The following AIG1 variants were observed in gnomAD, a reference collection of about 807,000 sequenced individuals.
AIG1 encodes androgen-induced gene 1 protein.
A neutral mutation model predicts 31.4 loss-of-function variants in AIG1; 23 were observed. The ratio of observed to expected loss-of-function variants is 0.73; its 90% CI spans 0.53 to 1.04. AIG1 has a LOEUF of 1.04. Ranked by LOEUF, AIG1 falls within the 50% of genes least tolerant of loss-of-function variation. The probability of loss-of-function intolerance (pLI) is 0.00; values close to 1 mark genes in which losing one functional copy is unlikely to be tolerated. For synonymous variants in AIG1, 100 were observed against 110.5 expected (o/e 0.90, Z 0.60); for missense variants, 274 against 295.0 (o/e 0.93, Z 0.52).
chr6:143,192,462 G>A (rs986920705), intron 3 of AIG1, among the ~76,000 whole-genome samples: 10 of 152,008 alleles, frequency 6.6e-5, no homozygotes, highest in South Asian at 4.2e-4. Flanking sequence ...AAAATTAGCC[G>A]GGTGTGGTGG....
At chr6:143,137,127 G>T (rs547752650) in intron 2 of AIG1, 137 bp downstream of exon 2, 2 of 943,156 alleles carry the variant, frequency 2.1e-6, no homozygotes, top group Admixed American at 3.9e-5. Context: ...CCACAGATGC[G>T]GTGGCTTAAA....
At chr6:143,255,512 C>G (rs73594142) in intron 3 of AIG1, among the ~76,000 whole-genome samples, 1,844 of 152,198 alleles carry the variant, frequency 0.012, 24 homozygotes, top group African/African-American at 0.042. Flanking sequence ...CATTAGGGCC[C>G]CACTCTTATG....
intron 4 of AIG1, among the ~76,000 whole-genome samples, chr6:143,296,512 C>T (rs1798437050): frequency 6.6e-6 from 1 of 152,112 alleles, no homozygotes. Flanking sequence ...CCCTATCCTG[C>T]CCAGTCCCAC....
intron 3 of AIG1, among the ~76,000 whole-genome samples, chr6:143,278,464 CTTT>C (rs1008735692): frequency 2.2e-5 from 3 of 135,914 alleles, no homozygotes; most frequent in Non-Finnish European, 4.8e-5. Flanking sequence ...TTTTTCTTTT[CTTT>C]TTTTTTTTTT....
chr6:143,111,844 T>C (rs983713679), intron 1 of AIG1, among the ~76,000 whole-genome samples: 2 of 152,210 alleles, frequency 1.3e-5, no homozygotes, highest in Non-Finnish European at 2.9e-5. Context: ...TCCTCCTTAA[T>C]AGCCTTAATA....
At chr6:143,179,680 G>C (rs1373436410) in intron 3 of AIG1, among the ~76,000 whole-genome samples, 2 of 151,898 alleles carry the variant, frequency 1.3e-5, no homozygotes, top group Admixed American at 6.6e-5. Flanking sequence ...ACCAATCCTA[G>C]AATTTATTTG....
chr6:143,060,665 G>A (rs1460793560), upstream of AIG1: 1 of 455,050 alleles, frequency 2.2e-6, no homozygotes, highest in Non-Finnish European at 4.6e-6. Flanking sequence ...TGACGAAAGA[G>A]ATGACGACAC....
At chr6:143,110,910 A>G (rs549346099) in intron 1 of AIG1, among the ~76,000 whole-genome samples, 2 of 152,368 alleles carry the variant, frequency 1.3e-5, no homozygotes, top group South Asian at 2.1e-4. Flanking sequence ...GCAAATGACC[A>G]TTCTAAACAT....
At chr6:143,106,524 A>G (rs1385253866) in intron 1 of AIG1, among the ~76,000 whole-genome samples, 1 of 152,222 alleles carries the variant, frequency 6.6e-6, no homozygotes, top group African/African-American at 2.4e-5. Context: ...CCAAATCCTC[A>G]TCACATACAG....
rs974074669 is a variant in AIG1, at chr6:143,284,024, T to C, written c.400-86T>C. Reference sequence around the variant, plus strand: ...TGCCTGACACTTTCCTAGGAATTTATAGTGTGCATTCTCCTACTGGTGAAA... The same window carrying C: ...TGCCTGACACTTTCCTAGGAATTTACAGTGTGCATTCTCCTACTGGTGAAA... On this transcript the variant is annotated intron_variant, in intron 3 of 5. Transcript: ENST00000357847. This position sits in a 1 kb window ranked among gnomAD's most constrained non-coding sequence, Gnocchi z 4.4. 29 of 893,774 alleles carry C rather than the reference T, an allele frequency of 3.2e-5. No homozygotes were observed. The Admixed American group carries it at 5.0e-4, about 15-fold the overall frequency. 55.4% of individuals were successfully genotyped at this position (893,774 alleles called of 1,614,324 possible).
intron 2 of AIG1, among the ~76,000 whole-genome samples, chr6:143,146,291 C>A (rs1391016770): frequency 3.3e-5 from 5 of 151,926 alleles, no homozygotes; most frequent in Non-Finnish European, 5.9e-5. Flanking sequence ...AATTTGAGAT[C>A]AAAAAAAGGT....
At chr6:143,122,564 T>A (rs1782329310) in intron 1 of AIG1, among the ~76,000 whole-genome samples, 1 of 152,230 alleles carries the variant, frequency 6.6e-6, no homozygotes, top group African/African-American at 2.4e-5. Context: ...TTGATAGATT[T>A]ATAAAATCTC....
chr6:143,139,346 T>C (rs565622779), intron 2 of AIG1, among the ~76,000 whole-genome samples: 1 of 141,346 alleles, frequency 7.1e-6, no homozygotes, highest in South Asian at 2.6e-4. Context: ...TTTCATGGCG[T>C]GTGGGTGCAG....
chr6:143,155,611 A>G (rs1400555379), intron 2 of AIG1, among the ~76,000 whole-genome samples: 1 of 152,104 alleles, frequency 6.6e-6, no homozygotes, highest in African/African-American at 2.4e-5. Flanking sequence ...CTGACAAGAA[A>G]CTGGGGGGAG....
chr6:143,122,516 T>G (rs2128502544), intron 1 of AIG1, among the ~76,000 whole-genome samples: 1 of 152,392 alleles, frequency 6.6e-6, no homozygotes, highest in African/African-American at 2.4e-5. Context: ...TTCACTGTTT[T>G]ATAAACATAC....
At chr6:143,162,693 A>G (rs1318063640) in intron 2 of AIG1, among the ~76,000 whole-genome samples, 2 of 152,206 alleles carry the variant, frequency 1.3e-5, no homozygotes, top group African/African-American at 4.8e-5. Context: ...CCCAGACCAA[A>G]TGTAAACCTT....
rs1407139736 is a variant in AIG1 at position 143,280,028 on chromosome 6, G to A, written c.400-4082G>A. 6.6e-6 allele frequency among the ~76,000 whole-genome samples: 1 copy of A among 152,314 alleles called. No homozygotes were observed. Among genetic ancestry groups the A allele is most frequent in the East Asian group, 1.9e-4 (1 of 5,186 alleles). On this transcript the variant is annotated intron_variant, in intron 3 of 5. Coordinates refer to ENST00000357847, the MANE Select transcript of AIG1 (RefSeq NM_016108.4). This position sits in a 1 kb window ranked among gnomAD's most constrained non-coding sequence, Gnocchi z 4.1. ...AGAAAACAGTCCAAACAATTCTTAA[G>A]AGCTAAGAGCCACCTTTGGTGACTA...
At chr6:143,080,251 G>T (rs1407920015) in intron 1 of AIG1, among the ~76,000 whole-genome samples, 1 of 152,194 alleles carries the variant, frequency 6.6e-6, no homozygotes, top group African/African-American at 2.4e-5. Flanking sequence ...CTTGGGAGGG[G>T]TGCCTTCAAT....
chr6:143,284,171 G>T lies in AIG1; in HGVS notation c.461G>T (p.Ser154Ile), dbSNP rs750244261. The T allele has an allele frequency of 2.1e-5, 34 of 1,613,946 alleles. No individual in the cohort carries two copies. The highest frequency in any genetic ancestry group is 2.7e-5 in the Non-Finnish European group (32 of 1,179,996). Residue 154 changes from serine (S) to isoleucine (I), a missense_variant, in exon 4 of 6, where the codon AGC (serine) becomes ATC (isoleucine). By Grantham distance (142) the Ser-to-Ile change is moderately radical. This residue lies in a region of AIG1 where 243 missense variants were observed against 238.5 expected (regional missense o/e 1.02). Transcript: ENST00000357847. The surrounding 1 kb of genome is among the most constrained non-coding windows in gnomAD (Gnocchi z 4.4). ...AGGACATCGCACCATCAGTATCCCAGCAGGAGCAGCGGACTTACCGCCATA... is the reference window on the plus strand; with the variant it reads ...AGGACATCGCACCATCAGTATCCCATCAGGAGCAGCGGACTTACCGCCATA... Reference protein sequence around the residue: ...EMRTSHHQYPSRSSGLTAICT... With the variant: ...EMRTSHHQYPIRSSGLTAICT...
Sources: allele counts gnomAD v4.1 joint callset (sites outside exome capture counted in the v4.1 genomes callset), GRCh38; gene constraint gnomAD v4.1.1; regional missense constraint gnomAD v4.1.1; non-coding constraint Gnocchi (gnomAD v3.1); transcripts MANE v1.5; gene names NCBI Gene and HGNC (gene_info 2026-07-23, HGNC 2026-07-21).